Variants in IQCE observed in about 807,000 individuals in gnomAD.
IQCE encodes IQ motif containing E.
Under a neutral mutation model 96.0 loss-of-function variants are expected in IQCE, and 115 were observed. The observed-to-expected ratio is 1.20, with a 90% confidence interval of 1.03 to 1.40. The LOEUF (loss-of-function observed/expected upper bound fraction) is 1.40, where lower values mean the gene tolerates loss of function less well. IQCE is among the 40% of genes most tolerant of loss of function. The pLI is 0.00. For missense variants in IQCE, 1,041 were observed against 909.1 expected (o/e 1.15, Z -1.87); for synonymous variants, 412 against 371.2 (o/e 1.11, Z -1.26).
At chr7:2,603,794 C>T (rs1784601797) in intron 18 of IQCE, among the ~76,000 whole-genome samples, 1 of 151,984 alleles carries the variant, frequency 6.6e-6, no homozygotes, top group Non-Finnish European at 1.5e-5. Flanking sequence ...AACAAAGGTG[C>T]TTTCTGTTCC....
rs755568446 is a variant in IQCE at position 2,571,606 on chromosome 7, C to G, written c.211C>G (p.Arg71Gly). 6.2e-7 allele frequency: 1 copy of G among 1,602,110 alleles called. No homozygotes were observed. Among genetic ancestry groups the G allele is most frequent in the East Asian group, 2.2e-5 (1 of 44,870 alleles). Residue 71 changes from arginine to glycine, a missense_variant, in exon 4 of 22, where the codon CGA (arginine) becomes GGA (glycine). By Grantham distance (125) the Arg-to-Gly change is moderately radical. Transcript: ENST00000402050. Reference sequence around the variant, plus strand: ...GGCAGGGAGCATGCCTCTGGGCGGCCGAGCGTCCCTGACCCCGCAGAAGCT... The same window carrying G: ...GGCAGGGAGCATGCCTCTGGGCGGCGGAGCGTCCCTGACCCCGCAGAAGCT... ...RTAGSMPLGG[R>G]ASLTPQKLWL...
intron 21 of IQCE, 168 bp downstream of exon 21, chr7:2,607,395 A>G (rs1382923101): frequency 2.9e-6 from 4 of 1,376,590 alleles, no homozygotes; most frequent in Non-Finnish European, 3.7e-6. Flanking sequence ...GAAGGCCCAC[A>G]ACAGGGCCCC....
Position 2,578,460 on chromosome 7 carries a change from A to G in IQCE, c.580-16A>G. On this transcript the variant is annotated splice_polypyrimidine_tract_variant and intron_variant, in intron 7 of 21. Transcript: ENST00000402050. Reference sequence around the variant, plus strand: ...ACACCGAAGGCCGTCTTCATGTCTCAATCTGCTTACCACAGGGCACGGATT... The same window carrying G: ...ACACCGAAGGCCGTCTTCATGTCTCGATCTGCTTACCACAGGGCACGGATT... 6.2e-7 allele frequency: 1 copy of G among 1,614,104 alleles called. No individual in the cohort carries two copies. Among genetic ancestry groups the G allele is most frequent in the Non-Finnish European group, 8.5e-7 (1 of 1,179,994 alleles).
intron 6 of IQCE, among the ~76,000 whole-genome samples, chr7:2,578,031 T>C (rs112148900): frequency 4.1e-4 from 39 of 94,730 alleles, no homozygotes; most frequent in South Asian, 8.0e-4. Context: ...CGGGGACGTG[T>C]GTGCGGCGTG....
At chr7:2,593,813 G>C (rs1334731772) in intron 15 of IQCE, among the ~76,000 whole-genome samples, 1 of 152,268 alleles carries the variant, frequency 6.6e-6, no homozygotes, top group Non-Finnish European at 1.5e-5. Flanking sequence ...GCACAGCATT[G>C]TGAAGATGCT....
chr7:2,560,712 C>G (rs1562612067), intron 1 of IQCE, among the ~76,000 whole-genome samples: 1 of 151,958 alleles, frequency 6.6e-6, no homozygotes, highest in African/African-American at 2.4e-5. Context: ...AATCCCAGCA[C>G]TTTGGGAGGC....
chr7:2,571,473 G>A, intron 3 of IQCE, 53 bp from the exon 4 acceptor site: 1 of 1,598,610 alleles, frequency 6.3e-7, no homozygotes, highest in African/African-American at 1.3e-5. Context: ...TTCATGTGTT[G>A]AGCTCACATG....
At chr7:2,574,700 G>A (rs1050353699) in intron 6 of IQCE, among the ~76,000 whole-genome samples, 1 of 152,242 alleles carries the variant, frequency 6.6e-6, no homozygotes, top group Admixed American at 6.5e-5. Flanking sequence ...CAGTCATCAA[G>A]TCTTGAGTTG....
intron 12 of IQCE, among the ~76,000 whole-genome samples, 154 bp downstream of exon 12, chr7:2,586,525 G>GCGGGCCACGCGATGCCC (rs1783130221): frequency 6.6e-6 from 1 of 152,228 alleles, no homozygotes; most frequent in African/African-American, 2.4e-5. Context: ...AGCACCTGCC[G>GCGGGCCACGCGATGCCC]CGGGCCACGC....
chr7:2,589,509 C>G (rs146091946), intron 13 of IQCE, among the ~76,000 whole-genome samples: 1 of 152,140 alleles, frequency 6.6e-6, no homozygotes, highest in Non-Finnish European at 1.5e-5. Context: ...GGGACGGGCT[C>G]AGCGGCACTT....
rs777261327 is a variant in IQCE at position 2,568,938 on chromosome 7, T to G, written c.85-16T>G. On this transcript the variant is annotated splice_polypyrimidine_tract_variant and intron_variant, in intron 2 of 21. Transcript: ENST00000402050. Reference sequence around the variant, plus strand: ...GGGAGCTCAGCAAGCCTTATGCCATTTCTTCTTTCTTTCAGAAAGCAAAAA... The same window carrying G: ...GGGAGCTCAGCAAGCCTTATGCCATGTCTTCTTTCTTTCAGAAAGCAAAAA... 18 of 1,610,988 alleles carry G rather than the reference T, an allele frequency of 1.1e-5. No individual in the cohort carries two copies. The Admixed American group carries it at 3.0e-4, about 27-fold the overall frequency.
rs1217010065 is a variant in IQCE at position 2,611,397 on chromosome 7, A to C, written c.*1235A>C. 1 of 152,306 alleles carries C rather than the reference A, an allele frequency of 6.6e-6. No homozygotes were observed. Among genetic ancestry groups the C allele is most frequent in the Non-Finnish European group, 1.5e-5 (1 of 68,134 alleles). The allele number at this position is 152,306 out of a possible 1,614,324, so 9.4% of individuals were successfully genotyped here. On this transcript the variant is annotated 3_prime_UTR_variant, in exon 22 of 22. Coordinates refer to ENST00000402050, the MANE Select transcript of IQCE (RefSeq NM_152558.5). ...CCGGGGCTGGCCGCTGTCTCAGGAG[A>C]GACCCAATGGTTAGAAAGCCCCTTT... is the stretch of plus-strand genomic sequence containing the variant.
At position 2,612,037 on chromosome 7, in the gene IQCE, C is replaced by T. The variant is rs1444312606; in HGVS notation, c.*1875C>T. On this transcript the variant is annotated 3_prime_UTR_variant, in exon 22 of 22. Transcript: ENST00000402050. ...AAGCCCTGAGAAAGTGAGACACCTG[C>T]ACATTCGCTGGGGGAGACCCTCCGT... is the stretch of plus-strand genomic sequence containing the variant. 1 of 152,184 alleles carries T rather than the reference C, an allele frequency of 6.6e-6. No homozygotes were observed. The highest frequency in any genetic ancestry group is 1.5e-5 in the Non-Finnish European group (1 of 68,056). 9.4% of individuals were successfully genotyped at this position (152,184 alleles called of 1,614,324 possible).
At position 2,612,582 on chromosome 7, in the gene IQCE, GCGGGGCGAGC is replaced by G. The variant is rs1562692958; in HGVS notation, c.*2421_*2430del. ...TAGTCATGGGAGGGGTGAGCTGTGG[GCGGGGCGAGC>G]TGTGGGTGGGGCCTAGCCATGGGAG... On this transcript the variant is annotated 3_prime_UTR_variant, in exon 22 of 22. Coordinates refer to ENST00000402050, the MANE Select transcript of IQCE (RefSeq NM_152558.5). 23 of 65,096 alleles carry G rather than the reference GCGGGGCGAGC, an allele frequency of 3.5e-4. No homozygotes were observed. Among genetic ancestry groups the G allele is most frequent in the Non-Finnish European group, 7.6e-4 (19 of 24,964 alleles). 4.0% of individuals were successfully genotyped at this position (65,096 alleles called of 1,614,324 possible). A position where few individuals can be genotyped will look rare whatever the true frequency, so the allele number is the denominator to read the frequency against.
At chr7:2,597,122 G>T (rs554900934) in intron 16 of IQCE, 338 of 470,118 alleles carry the variant, frequency 7.2e-4, no homozygotes, top group African/African-American at 5.1e-3. Flanking sequence ...TCATGAGAAG[G>T]AGAGGGCGAG....
chr7:2,600,426 A>T lies in IQCE; in HGVS notation c.1609-1015A>T, dbSNP rs564165060. 2.0e-5 allele frequency among the ~76,000 whole-genome samples: 3 copies of T among 152,310 alleles called. No homozygotes were observed. The East Asian group carries it at 5.8e-4, about 29-fold the overall frequency. Reference sequence around the variant, plus strand: ...CCTTGGTAACTGGCCGGCAGTCTACAGGGGAGAGTTTAGCTCCCTGAGGTC... The same window carrying T: ...CCTTGGTAACTGGCCGGCAGTCTACTGGGGAGAGTTTAGCTCCCTGAGGTC... On this transcript the variant is annotated intron_variant, in intron 17 of 21. Coordinates refer to ENST00000402050, the MANE Select transcript of IQCE (RefSeq NM_152558.5).
At chr7:2,593,496 C>G (rs1388119460) in intron 15 of IQCE, among the ~76,000 whole-genome samples, 9 of 152,264 alleles carry the variant, frequency 5.9e-5, no homozygotes, top group Non-Finnish European at 1.2e-4. Context: ...GGAAGCAGCG[C>G]CCACCCCACG....
At chr7:2,592,872 G>A (rs944485593) in intron 14 of IQCE, 150 bp from the exon 15 acceptor site, 8 of 777,174 alleles carry the variant, frequency 1.0e-5, no homozygotes, top group Admixed American at 9.8e-5. Flanking sequence ...GGCAATGTGT[G>A]ATTAGAAATG....
chr7:2,602,023 G>A (rs75460849), intron 18 of IQCE: 2,971 of 157,880 alleles, frequency 0.019, 107 homozygotes, highest in African/African-American at 0.067. Context: ...CCAGCCCTGC[G>A]TGGGGCAGTC....
Sources: gnomAD v4.1 joint callset for allele counts (sites outside exome capture counted in the v4.1 genomes callset) on GRCh38, gnomAD v4.1.1 for gene constraint, MANE v1.5 for transcripts, NCBI Gene and HGNC (gene_info 2026-07-23, HGNC 2026-07-21) for gene names.